Variants in RNF220 observed in about 807,000 individuals in gnomAD.
RNF220 encodes E3 ubiquitin-protein ligase RNF220.
A neutral mutation model predicts 67.1 loss-of-function variants in RNF220; 7 were observed. The ratio of observed to expected loss-of-function variants is 0.10; its 90% confidence interval spans 0.06 to 0.20. The LOEUF is 0.20. Ranked by LOEUF, RNF220 falls within the 10% of genes least tolerant of loss-of-function variation. The pLI, the probability that RNF220 is intolerant of heterozygous loss-of-function variation, is 1.00. For missense variants in RNF220, 565 were observed against 740.3 expected, an observed-to-expected ratio of 0.76 and a Z score of 2.75; for synonymous variants, 270 against 283.2, an observed-to-expected ratio of 0.95 and a Z score of 0.47.
At chr1:44,452,568 A>T (rs1384386539) in intron 2 of RNF220, among the ~76,000 whole-genome samples, 1 of 152,118 alleles carries the variant, frequency 6.6e-6, no homozygotes, top group African/African-American at 2.4e-5. Context: ...ATAATAATAA[A>T]AATAAATAAA....
Position 44,645,582 on chromosome 1 carries a change from C to A in RNF220, c.1445+94C>A. 1 of 1,298,404 alleles carries A rather than the reference C, an allele frequency of 7.7e-7. No individual in the cohort carries two copies. The highest frequency in any genetic ancestry group is 1.1e-6 in the Non-Finnish European group (1 of 915,974). The allele number at this position is 1,298,404 out of a possible 1,614,324, so 80.4% of individuals were successfully genotyped here. On this transcript the variant is annotated intron_variant, in intron 12 of 14. Transcript: ENST00000361799. The surrounding 1 kb of genome is among the most constrained non-coding windows in gnomAD (Gnocchi z 5.0). ...GAAGGCCTGCTGCCAGGGCTTCTGG[C>A]CCTCCCAAGTGCAGCTCAGTGCTGC...
intron 2 of RNF220, among the ~76,000 whole-genome samples, chr1:44,462,914 C>T (rs1230847313): frequency 1.3e-5 from 2 of 152,226 alleles, no homozygotes; most frequent in African/African-American, 4.8e-5. Flanking sequence ...GTAGTCCCAG[C>T]TACTCAGGAG....
chr1:44,627,239 G>A (rs1447347389), intron 5 of RNF220, among the ~76,000 whole-genome samples: 4 of 150,298 alleles, frequency 2.7e-5, no homozygotes, highest in South Asian at 2.1e-4. Flanking sequence ...CAGCTACTCC[G>A]GAGGCTGAGG....
rs1643845971 is a variant in RNF220 at position 44,622,624 on chromosome 1, G to A, written c.759-118G>A. On this transcript the variant is annotated intron_variant, in intron 3 of 14. Coordinates refer to ENST00000361799, the MANE Select transcript of RNF220 (RefSeq NM_018150.4). This position sits in a 1 kb window ranked among gnomAD's most constrained non-coding sequence, Gnocchi z 4.3. ...AAAGGACTGGGTGGAGCTTGGCTGA[G>A]CTGGGCTGGGCTAGGCGGTCTATGC... is the stretch of plus-strand genomic sequence containing the variant. 1.2e-6 allele frequency: 1 copy of A among 833,728 alleles called. No individual in the cohort carries two copies. Among genetic ancestry groups the A allele is most frequent in the East Asian group, 2.5e-5 (1 of 40,006 alleles). 51.6% of individuals were successfully genotyped at this position (833,728 alleles called of 1,614,324 possible).
chr1:44,405,239 G>T, upstream of RNF220: 1 of 369,936 alleles, frequency 2.7e-6, no homozygotes, highest in Non-Finnish European at 4.9e-6. Context: ...CCGAGTCCCT[G>T]GGAGAGTGGA....
chr1:44,512,163 A>G (rs546066900), intron 2 of RNF220, among the ~76,000 whole-genome samples: 1 of 152,320 alleles, frequency 6.6e-6, no homozygotes, highest in East Asian at 1.9e-4. Flanking sequence ...CACTCTCTGG[A>G]TGAACAGAGT....
At chr1:44,562,461 A>C (rs1663648577) in intron 2 of RNF220, among the ~76,000 whole-genome samples, 1 of 152,030 alleles carries the variant, frequency 6.6e-6, no homozygotes. Context: ...CTGACTTTGG[A>C]GGTGATTAGT....
intron 2 of RNF220, among the ~76,000 whole-genome samples, chr1:44,451,954 T>C (rs547315200): frequency 6.6e-6 from 1 of 152,338 alleles, no homozygotes; most frequent in African/African-American, 2.4e-5. Flanking sequence ...TTATGGCTTC[T>C]GAAGTTTGTG....
chr1:44,641,723 G>A (rs1644495010), intron 8 of RNF220, among the ~76,000 whole-genome samples: 1 of 152,112 alleles, frequency 6.6e-6, no homozygotes, highest in Non-Finnish European at 1.5e-5. Flanking sequence ...AGCAGGCTGG[G>A]GCAGCACAAG....
intron 1 of RNF220, among the ~76,000 whole-genome samples, chr1:44,406,071 G>C (rs947625032): frequency 6.6e-6 from 1 of 152,190 alleles, no homozygotes; most frequent in Non-Finnish European, 1.5e-5. Flanking sequence ...CCGAGGCGGC[G>C]GGCGGATGGA....
intron 2 of RNF220, among the ~76,000 whole-genome samples, chr1:44,562,240 A>T (rs1165838722): frequency 6.6e-6 from 1 of 152,144 alleles, no homozygotes; most frequent in Non-Finnish European, 1.5e-5. Context: ...GATATAGGAA[A>T]CCAACCAGAA....
intron 2 of RNF220, among the ~76,000 whole-genome samples, chr1:44,526,839 A>G (rs537826155): frequency 1.3e-5 from 2 of 151,898 alleles, no homozygotes; most frequent in East Asian, 3.9e-4. Context: ...CCATTCACTC[A>G]ATGAGCTCTA....
chr1:44,628,406 C>T (rs1644020430), intron 5 of RNF220, among the ~76,000 whole-genome samples: 1 of 152,248 alleles, frequency 6.6e-6, no homozygotes. Flanking sequence ...CACAGGCACA[C>T]ACACATGCAG....
At chr1:44,492,785 G>A (rs1656966331) in intron 2 of RNF220, among the ~76,000 whole-genome samples, 2 of 152,070 alleles carry the variant, frequency 1.3e-5, no homozygotes, top group Non-Finnish European at 2.9e-5. Flanking sequence ...GGGGGTGACT[G>A]TTTAAAGGTA....
At chr1:44,552,813 C>G (rs181906909) in intron 2 of RNF220, among the ~76,000 whole-genome samples, 10 of 151,964 alleles carry the variant, frequency 6.6e-5, no homozygotes, top group Non-Finnish European at 1.2e-4. Context: ...TCGTGATCCG[C>G]CCGCCTTGGC....
chr1:44,449,690 G>A (rs866335587), intron 2 of RNF220, among the ~76,000 whole-genome samples: 43 of 152,176 alleles, frequency 2.8e-4, no homozygotes, highest in African/African-American at 9.4e-4. Context: ...CTGGGATTGG[G>A]GTATGGGCCA....
At chr1:44,594,758 TTTGGA>T (rs1253011164) in intron 2 of RNF220, among the ~76,000 whole-genome samples, 3 of 151,964 alleles carry the variant, frequency 2.0e-5, no homozygotes, top group East Asian at 3.9e-4. Flanking sequence ...ATTTGGGGAA[TTTGGA>T]TTGGATTGGA....
At chr1:44,478,250 TC>T (rs964647080) in intron 2 of RNF220, among the ~76,000 whole-genome samples, 2 of 151,850 alleles carry the variant, frequency 1.3e-5, no homozygotes, top group African/African-American at 2.4e-5. Flanking sequence ...AAATGCAGCC[TC>T]CCCCAATTTT....
chr1:44,648,900 G>C (rs763683981), intron 12 of RNF220: 3 of 152,484 alleles, frequency 2.0e-5, no homozygotes, highest in Admixed American at 2.0e-4. Context: ...GAGTTCACAC[G>C]GGGGGCTGTG....
Sources: gnomAD v4.1 joint callset for allele counts (sites outside exome capture counted in the v4.1 genomes callset) on GRCh38, gnomAD v4.1.1 for gene constraint, Gnocchi (gnomAD v3.1) non-coding constraint, MANE v1.5 for transcripts, NCBI Gene and HGNC (gene_info 2026-07-23, HGNC 2026-07-21) for gene names.